Variants in ARCN1 observed in about 807,000 individuals in gnomAD.
ARCN1 encodes coatomer subunit delta.
In ARCN1, 5 loss-of-function variants were observed where a neutral mutation model predicts 60.4. The ratio of observed to expected loss-of-function variants is 0.08; its 90% CI spans 0.04 to 0.17. The LOEUF is 0.17. ARCN1 is among the 10% of genes least tolerant of loss of function. ARCN1 has a pLI of 1.00. For missense variants in ARCN1, 464 were observed against 626.5 expected (o/e 0.74, Z 2.77); for synonymous variants, 224 against 220.0 (o/e 1.02, Z -0.16).
chr11:118,581,051 T>C (rs1204956051), intron 1 of ARCN1, among the ~76,000 whole-genome samples, 195 bp from the exon 2 acceptor site: 3 of 152,166 alleles, frequency 2.0e-5, no homozygotes, highest in Non-Finnish European at 4.4e-5. Context: ...GCCCAGGAGT[T>C]TGAGGTTGTA....
At position 118,597,790 on chromosome 11, in the gene ARCN1, T is replaced by G; in HGVS notation, c.1325T>G (p.Leu442Arg). 1.2e-6 allele frequency: 2 copies of G among 1,614,206 alleles called. No individual in the cohort carries two copies. Among genetic ancestry groups the G allele is most frequent in the Non-Finnish European group, 1.7e-6 (2 of 1,180,050 alleles). ...DSRRNTLEWCLPVIDAKNKSG... is the reference protein window; with the variant it reads ...DSRRNTLEWCRPVIDAKNKSG... ...CGACGAAATACCCTGGAGTGGTGCC[T>G]GCCTGTGATTGATGCCAAAAATAAG... Residue 442 changes from leucine (L) to arginine (R), a missense_variant, in exon 9 of 10, where the codon CTG becomes CGG. By Grantham distance (102) the Leu-to-Arg change is moderately radical. Coordinates refer to ENST00000264028, the MANE Select transcript of ARCN1 (RefSeq NM_001655.5).
At chr11:118,598,764 G>A (rs1325633719) in intron 9 of ARCN1, among the ~76,000 whole-genome samples, 15 of 149,858 alleles carry the variant, frequency 1.0e-4, no homozygotes, top group African/African-American at 3.5e-4. Context: ...CAAAGTGATG[G>A]GATTACAAGT....
chr11:118,595,754 C>A (rs1939011280), intron 8 of ARCN1, among the ~76,000 whole-genome samples: 1 of 152,184 alleles, frequency 6.6e-6, no homozygotes, highest in South Asian at 2.1e-4. Flanking sequence ...TTATGTCGCT[C>A]AGTTATTGCT....
chr11:118,594,593 A>G (rs1483294484), intron 8 of ARCN1, among the ~76,000 whole-genome samples: 2 of 152,050 alleles, frequency 1.3e-5, no homozygotes, highest in African/African-American at 4.8e-5. Context: ...CTTGTTGCCC[A>G]GGCTGGAGTG....
chr11:118,598,617 C>G (rs1939082388), intron 9 of ARCN1, among the ~76,000 whole-genome samples: 1 of 151,538 alleles, frequency 6.6e-6, no homozygotes, highest in Non-Finnish European at 1.5e-5. Context: ...GCCTCAGCCT[C>G]CCAAGTAGCT....
At chr11:118,599,629 C>T (rs184209532) in intron 9 of ARCN1, among the ~76,000 whole-genome samples, 7 of 152,090 alleles carry the variant, frequency 4.6e-5, no homozygotes, top group Admixed American at 4.6e-4. Flanking sequence ...GGGGTTTCAC[C>T]ATGTTGGCCA....
Position 118,583,976 on chromosome 11 carries a change from T to C in ARCN1, c.615T>C (p.Ile205=). The part of the protein sequence containing the change: ...STAAMITETI[I]ETDKPKVAPA... ...CTGCCATGATCACAGAGACCATCAT[T>C]GAAACTGATAAACCAAAAGTGGCAC... Residue 205 remains isoleucine, a synonymous_variant, in exon 4 of 10, where the codon ATT becomes ATC. Transcript: ENST00000264028. 2 of 1,614,176 alleles carry C rather than the reference T, an allele frequency of 1.2e-6. No homozygotes were observed. Among genetic ancestry groups the C allele is most frequent in the Non-Finnish European group, 1.7e-6 (2 of 1,180,024 alleles).
Position 118,590,333 on chromosome 11 carries a change from C to G in ARCN1, c.819-8C>G. The G allele has an allele frequency of 1.2e-6, 2 of 1,610,292 alleles. No individual in the cohort carries two copies. Among genetic ancestry groups the G allele is most frequent in the South Asian group, 1.1e-5 (1 of 90,750 alleles). ...TTTCTGAACAAATGTATTACTTTCT[C>G]TTTATAGTGTACATATGAAGATTGA... On this transcript the variant is annotated splice_region_variant and splice_polypyrimidine_tract_variant and intron_variant, in intron 5 of 9. Coordinates refer to ENST00000264028, the MANE Select transcript of ARCN1 (RefSeq NM_001655.5).
At chr11:118,576,426 T>TAAAAAAA (rs10671866) in intron 1 of ARCN1, among the ~76,000 whole-genome samples, 6 of 108,776 alleles carry the variant, frequency 5.5e-5, no homozygotes, top group Non-Finnish European at 7.0e-5. Flanking sequence ...CCAAAAATGT[T>TAAAAAAA]AAAAAAAAAA....
chr11:118,590,470 T>C lies in ARCN1; in HGVS notation c.948T>C (p.His316=). The C allele has an allele frequency of 6.2e-7, 1 of 1,614,196 alleles. No homozygotes were observed. The highest frequency in any genetic ancestry group is 8.5e-7 in the Non-Finnish European group (1 of 1,180,024). Residue 316 remains histidine (H), a synonymous_variant, in exon 6 of 10, where the codon CAT becomes CAC. Coordinates refer to ENST00000264028, the MANE Select transcript of ARCN1 (RefSeq NM_001655.5). ...SDDKYGRIRL[H]VENEDKKGVQ... ...ACAAGTATGGCCGAATTCGTCTTCA[T>C]GTGGAAAATGAAGATAAGAAAGGGG...
intron 4 of ARCN1, 137 bp from the exon 5 acceptor site, chr11:118,584,343 G>A (rs1938729575): frequency 1.3e-6 from 1 of 783,526 alleles, no homozygotes; most frequent in Non-Finnish European, 1.9e-6. Flanking sequence ...GGGGAAATCT[G>A]TGAATTACCC....
At chr11:118,582,483 G>A (rs1938680050) in intron 2 of ARCN1, among the ~76,000 whole-genome samples, 1 of 151,654 alleles carries the variant, frequency 6.6e-6, no homozygotes, top group African/African-American at 2.4e-5. Context: ...CCAGCACTTT[G>A]GGAGGCTGAG....
intron 2 of ARCN1, 85 bp from the exon 3 acceptor site, chr11:118,583,094 A>G: frequency 1.4e-6 from 2 of 1,455,486 alleles, no homozygotes; most frequent in East Asian, 4.6e-5. Flanking sequence ...GGTTATTGAA[A>G]TTTATGTACT....
Position 118,601,577 on chromosome 11 carries a change from T to C in ARCN1, c.*863T>C. The C allele has an allele frequency of 1.4e-6, 1 of 698,396 alleles. No homozygotes were observed. Among genetic ancestry groups the C allele is most frequent in the East Asian group, 2.7e-5 (1 of 37,176 alleles). The allele number at this position is 698,396 out of a possible 1,614,324, so 43.3% of individuals were successfully genotyped here. On this transcript the variant is annotated 3_prime_UTR_variant, in exon 10 of 10. Coordinates refer to ENST00000264028, the MANE Select transcript of ARCN1 (RefSeq NM_001655.5). Reference sequence around the variant, plus strand: ...TGGAACAAGTATATCTAACCCATTCTTGATTTTTGGACTATTCAGGTGAAC... The same window carrying C: ...TGGAACAAGTATATCTAACCCATTCCTGATTTTTGGACTATTCAGGTGAAC...
intron 9 of ARCN1, 51 bp downstream of exon 9, chr11:118,597,962 G>C (rs1555077483): frequency 1.9e-6 from 3 of 1,584,744 alleles, no homozygotes; most frequent in African/African-American, 2.7e-5. Flanking sequence ...AGGACAGTAG[G>C]AACACGTATA....
chr11:118,598,963 T>A (rs1939091188), intron 9 of ARCN1, among the ~76,000 whole-genome samples: 1 of 151,234 alleles, frequency 6.6e-6, no homozygotes, highest in Non-Finnish European at 1.5e-5. Flanking sequence ...CTGGCTAATT[T>A]TTGTATTTTT....
chr11:118,591,380 CTGTTTTGTTT>C (rs554236038), intron 6 of ARCN1, among the ~76,000 whole-genome samples: 2 of 152,034 alleles, frequency 1.3e-5, no homozygotes, highest in Non-Finnish European at 2.9e-5. Context: ...AAAGTGATTT[CTGTTTTGTTT>C]TGTTTTGTTT....
intron 9 of ARCN1, among the ~76,000 whole-genome samples, chr11:118,600,133 C>G (rs1194594917): frequency 6.6e-6 from 1 of 152,142 alleles, no homozygotes; most frequent in Non-Finnish European, 1.5e-5. Context: ...TTAAGCTGGA[C>G]ATTTATTTAT....
Position 118,602,853 on chromosome 11 carries a change from T to C in ARCN1, c.*2139T>C, listed in dbSNP as rs1240224370. 1 of 153,702 alleles carries C rather than the reference T, an allele frequency of 6.5e-6. No individual in the cohort carries two copies. Among genetic ancestry groups the C allele is most frequent in the Non-Finnish European group, 1.5e-5 (1 of 68,038 alleles). 9.5% of individuals were successfully genotyped at this position (153,702 alleles called of 1,614,324 possible). ...AGAGACATTTTGTAACCCTGTAAAA[T>C]ACATAGGGAATATAACATTCCAGTG... On this transcript the variant is annotated 3_prime_UTR_variant, in exon 10 of 10. Coordinates refer to ENST00000264028, the MANE Select transcript of ARCN1 (RefSeq NM_001655.5).
Sources: allele counts gnomAD v4.1 joint callset (sites outside exome capture counted in the v4.1 genomes callset), GRCh38; gene constraint gnomAD v4.1.1; transcripts MANE v1.5; gene names NCBI Gene and HGNC (gene_info 2026-07-23, HGNC 2026-07-21).